CXADR: variants seen among roughly 807,000 people sequenced by gnomAD.
CXADR encodes coxsackievirus and adenovirus receptor.
A neutral mutation model predicts 40.3 loss-of-function variants in CXADR; 20 were observed. The observed-to-expected ratio is 0.50, with a 90% CI of 0.35 to 0.72. CXADR has a LOEUF of 0.72. Ranked by LOEUF, CXADR falls within the 30% of genes least tolerant of loss-of-function variation. The pLI is 0.01. For missense variants in CXADR, 332 were observed against 449.1 expected, an observed-to-expected ratio of 0.74 and a Z score of 2.36; for synonymous variants, 150 against 161.3, an observed-to-expected ratio of 0.93 and a Z score of 0.53.
the CXADR span, among the ~76,000 whole-genome samples, chr21:17,618,289 C>A: frequency 6.6e-6 from 1 of 152,144 alleles, no homozygotes; most frequent in African/African-American, 2.4e-5. Flanking sequence ...CTATTTCTAC[C>A]CCATCTGCAG....
intron 1 of CXADR, among the ~76,000 whole-genome samples, chr21:17,534,321 T>C (rs2060725863): frequency 6.6e-6 from 1 of 151,880 alleles, no homozygotes. Context: ...GGTCTTGATG[T>C]CCTGACCTTG....
chr21:17,598,551 G>A, downstream of CXADR: 1 of 1,369,286 alleles, frequency 7.3e-7, no homozygotes. Context: ...ATGCCAAGTA[G>A]GACTACCTGA....
rs2061246188 is a variant in CXADR at position 17,568,631 on chromosome 21, T to G, written c.*2939T>G. 2.0e-6 allele frequency: 2 copies of G among 982,400 alleles called. No individual in the cohort carries two copies. The highest frequency in any genetic ancestry group is 3.5e-5 in the African/African-American group (2 of 56,694). The allele number at this position is 982,400 out of a possible 1,614,324, so 60.9% of individuals were successfully genotyped here. A position where few individuals can be genotyped will look rare whatever the true frequency, so the allele number is the denominator to read the frequency against. ...GTCTCAAACTGCTGGGCTCAGGAGA[T>G]CCTCCTGCCTTGGCCTCCCAAATTG... is the stretch of plus-strand genomic sequence containing the variant. On this transcript the variant is annotated 3_prime_UTR_variant, in exon 7 of 7. Coordinates refer to ENST00000284878, the MANE Select transcript of CXADR (RefSeq NM_001338.5).
At position 17,534,702 on chromosome 21, in the gene CXADR, ATCT is replaced by A. The variant is rs931377878; in HGVS notation, c.44-12316_44-12314del. Among the ~76,000 whole-genome samples the A allele has an allele frequency of 2.9e-4, 44 of 151,898 alleles. 1 individual carries two copies. The South Asian group carries it at 2.9e-3, about 10-fold the overall frequency. On this transcript the variant is annotated intron_variant, in intron 1 of 6. Coordinates refer to ENST00000284878, the MANE Select transcript of CXADR (RefSeq NM_001338.5). ...CACAAAATTACACTTGTCTTTATCA[ATCT>A]TCTTCTTCATTTTCTCGAACCTCTA...
intron 1 of CXADR, among the ~76,000 whole-genome samples, chr21:17,523,101 G>A (rs144743807): frequency 1.6e-4 from 24 of 152,110 alleles, no homozygotes; most frequent in Non-Finnish European, 3.2e-4. Context: ...TTCATAATTG[G>A]CCTCCTGTTG....
chr21:17,574,998 CACATACATACATACATACAT>C (rs1555875111), downstream of CXADR, among the ~76,000 whole-genome samples: 8 of 38,052 alleles, frequency 2.1e-4, no homozygotes, highest in Non-Finnish European at 2.9e-4. Flanking sequence ...TATATACACA[CACATACATACATACATACAT>C]ACATACATAC....
chr21:17,613,299 C>G, the CXADR span: 22 of 152,310 alleles, frequency 1.4e-4, no homozygotes, highest in African/African-American at 5.3e-4. Context: ...CCACGCTGCA[C>G]TTGACACCCT....
At chr21:17,578,946 C>T (rs558313572) in intron 7 of CXADR, among the ~76,000 whole-genome samples, 23 of 152,266 alleles carry the variant, frequency 1.5e-4, no homozygotes, top group East Asian at 1.4e-3. Flanking sequence ...CTTTGCCTCC[C>T]CACATCCCCC....
the CXADR span, among the ~76,000 whole-genome samples, chr21:17,607,631 G>T: frequency 6.6e-6 from 1 of 152,210 alleles, no homozygotes; most frequent in African/African-American, 2.4e-5. Context: ...CTTGAATAGT[G>T]CTGTACTTGC....
downstream of CXADR, among the ~76,000 whole-genome samples, chr21:17,595,250 T>A (rs1395187224): frequency 6.7e-6 from 1 of 149,862 alleles, no homozygotes; most frequent in Non-Finnish European, 1.5e-5. Flanking sequence ...ATGCCACATC[T>A]TCTTAAATTT....
the CXADR span, among the ~76,000 whole-genome samples, chr21:17,635,154 T>G: frequency 6.6e-6 from 1 of 152,168 alleles, no homozygotes; most frequent in Admixed American, 6.5e-5. Flanking sequence ...TTTAATAACC[T>G]CCTTTTGAAA....
chr21:17,524,457 G>C (rs1171588692), intron 1 of CXADR, among the ~76,000 whole-genome samples: 1 of 150,458 alleles, frequency 6.6e-6, no homozygotes, highest in Non-Finnish European at 1.5e-5. Flanking sequence ...AGCTACCTAA[G>C]AGGCTGAATC....
chr21:17,593,137 T>G, intron 7 of CXADR: 1 of 1,406,844 alleles, frequency 7.1e-7, no homozygotes, highest in South Asian at 1.7e-5. Flanking sequence ...GATATCTCTT[T>G]TTTTCTTTTT....
the CXADR span, among the ~76,000 whole-genome samples, chr21:17,600,675 GAACA>G: frequency 6.6e-6 from 1 of 151,166 alleles, no homozygotes; most frequent in African/African-American, 2.4e-5. Flanking sequence ...AAAAAAACAA[GAACA>G]AAAAATTAAA....
At chr21:17,603,095 C>T in the CXADR span, among the ~76,000 whole-genome samples, 21 of 152,282 alleles carry the variant, frequency 1.4e-4, no homozygotes, top group East Asian at 5.8e-4. Context: ...TAAGAAACCA[C>T]ACAACTAACT....
chr21:17,565,694 G>A lies in CXADR; in HGVS notation c.*2G>A, dbSNP rs765198702. ...AGCAAGGATGGGTCTATAGTATAGA[G>A]CCTCCATATGTCTCATCTGTGCTCT... On this transcript the variant is annotated 3_prime_UTR_variant, in exon 7 of 7. Transcript: ENST00000284878. 1 of 1,611,386 alleles carries A rather than the reference G, an allele frequency of 6.2e-7. No individual in the cohort carries two copies. The highest frequency in any genetic ancestry group is 1.3e-5 in the African/African-American group (1 of 74,932).
chr21:17,592,565 T>G (rs925721365), intron 7 of CXADR, among the ~76,000 whole-genome samples: 1 of 151,882 alleles, frequency 6.6e-6, no homozygotes, highest in Non-Finnish European at 1.5e-5. Flanking sequence ...CCTACAAATC[T>G]GTCATTATCA....
the CXADR span, among the ~76,000 whole-genome samples, chr21:17,615,976 C>T: frequency 1.3e-5 from 2 of 152,144 alleles, no homozygotes; most frequent in African/African-American, 2.4e-5. Flanking sequence ...GTCGGCGGGT[C>T]GTGGTGGCTC....
At chr21:17,550,214 CGTG>C (rs1052842515) in intron 2 of CXADR, among the ~76,000 whole-genome samples, 3 of 151,980 alleles carry the variant, frequency 2.0e-5, no homozygotes, top group South Asian at 4.2e-4. Context: ...AATTAGCAGA[CGTG>C]GTGGTGGGCA....
Sources: gnomAD v4.1 joint callset for allele counts (sites outside exome capture counted in the v4.1 genomes callset) on GRCh38, gnomAD v4.1.1 for gene constraint, MANE v1.5 for transcripts, NCBI Gene and HGNC (gene_info 2026-07-23, HGNC 2026-07-21) for gene names.